TRAF3IP2: variants seen among roughly 807,000 people sequenced by gnomAD.
The protein encoded by TRAF3IP2 is TRAF3 interacting protein 2, also known as E3 ubiquitin ligase TRAF3IP2.
Under a neutral mutation model 57.9 loss-of-function variants are expected in TRAF3IP2, and 35 were observed. The observed-to-expected ratio is 0.60, with a 90% CI of 0.46 to 0.80. TRAF3IP2 has a LOEUF of 0.80. Ranked by LOEUF, TRAF3IP2 falls within the 30% of genes least tolerant of loss-of-function variation. TRAF3IP2 has a pLI of 0.00. For missense variants in TRAF3IP2, 556 were observed against 706.4 expected (o/e 0.79, Z 2.41); for synonymous variants, 251 against 268.9 (o/e 0.93, Z 0.65).
Position 111,556,713 on chromosome 6 carries a change from C to G in TRAF3IP2, c.*2692G>C, listed in dbSNP as rs978912318. ...CTATTTTTTAAAGAACAAAGACATT[C>G]GTCTCACCCAGTAGACATCTAAGTT... On this transcript the variant is annotated 3_prime_UTR_variant, in exon 9 of 9. Coordinates refer to ENST00000368761, the MANE Select transcript of TRAF3IP2 (RefSeq NM_147686.4). The G allele has an allele frequency of 6.6e-6, 1 of 152,050 alleles. No homozygotes were observed. The highest frequency in any genetic ancestry group is 1.5e-5 in the Non-Finnish European group (1 of 67,982). 9.4% of individuals were successfully genotyped at this position (152,050 alleles called of 1,614,324 possible). A position where few individuals can be genotyped will look rare whatever the true frequency, so the allele number is the denominator to read the frequency against.
chr6:111,593,884 A>G, intron 1 of TRAF3IP2, among the ~76,000 whole-genome samples: 1 of 152,196 alleles, frequency 6.6e-6, no homozygotes, highest in South Asian at 2.1e-4. Context: ...TAATCCCAGC[A>G]CTTTGGGAGG....
intron 1 of TRAF3IP2, among the ~76,000 whole-genome samples, chr6:111,605,102 C>T (rs958723839): frequency 2.7e-5 from 4 of 149,764 alleles, no homozygotes; most frequent in African/African-American, 9.7e-5. Context: ...AAAAAAAAAT[C>T]CCCCTATTCT....
At position 111,555,618 on chromosome 6, in the gene TRAF3IP2, A is replaced by G. The variant is rs1795212387; in HGVS notation, c.*3787T>C. Among the ~76,000 whole-genome samples, 1 of 152,222 alleles carries G rather than the reference A, an allele frequency of 6.6e-6. No individual in the cohort carries two copies. The highest frequency in any genetic ancestry group is 2.1e-4 in the South Asian group (1 of 4,834). Reference sequence around the variant, plus strand: ...ATATTAGGTAAGAACCTAACCTTGCATTCCACAAACCCACCCCTCAAATCG... The same window carrying G: ...ATATTAGGTAAGAACCTAACCTTGCGTTCCACAAACCCACCCCTCAAATCG... On this transcript the variant is annotated 3_prime_UTR_variant, in exon 9 of 9. Coordinates refer to ENST00000368761, the MANE Select transcript of TRAF3IP2 (RefSeq NM_147686.4).
At chr6:111,593,622 G>A (rs174384) in intron 1 of TRAF3IP2, among the ~76,000 whole-genome samples, 103,975 of 151,918 alleles carry the variant, frequency 0.68, 36,990 homozygotes, top group Non-Finnish European at 0.79. Context: ...GTTTTCTGAC[G>A]CAACAGAAAA....
chr6:111,573,975 T>C (rs575003225), intron 4 of TRAF3IP2: 1 of 152,292 alleles, frequency 6.6e-6, no homozygotes, highest in South Asian at 2.1e-4. Context: ...CAGCCAGATA[T>C]ATAGATGGCA....
intron 8 of TRAF3IP2, 109 bp downstream of exon 8, chr6:111,562,856 A>G: frequency 1.1e-6 from 1 of 917,462 alleles, no homozygotes; most frequent in Non-Finnish European, 1.6e-6. Flanking sequence ...AAAAAAAAAA[A>G]AAAGAAAAGA....
At chr6:111,593,002 G>A (rs1796568171) in intron 1 of TRAF3IP2, among the ~76,000 whole-genome samples, 2 of 152,106 alleles carry the variant, frequency 1.3e-5, no homozygotes, top group South Asian at 4.1e-4. Context: ...TTAGCTGTAA[G>A]AAGAACTCTT....
At chr6:111,565,549 C>T (rs1050923344) in intron 7 of TRAF3IP2, among the ~76,000 whole-genome samples, 1 of 152,126 alleles carries the variant, frequency 6.6e-6, no homozygotes, top group Non-Finnish European at 1.5e-5. Flanking sequence ...ATATGGGCAC[C>T]CACTGGGAAC....
At chr6:111,578,579 G>T (rs77872616) in intron 3 of TRAF3IP2, among the ~76,000 whole-genome samples, 1 of 152,186 alleles carries the variant, frequency 6.6e-6, no homozygotes, top group African/African-American at 2.4e-5. Context: ...GGAGGCGAAG[G>T]TTTCAGTGAG....
intron 7 of TRAF3IP2, among the ~76,000 whole-genome samples, chr6:111,564,246 A>G (rs922848842): frequency 1.3e-5 from 2 of 152,148 alleles, no homozygotes; most frequent in South Asian, 2.1e-4. Context: ...TCTAAAAACC[A>G]TAAGATAACA....
At chr6:111,605,037 CAA>C (rs1190422672) in intron 1 of TRAF3IP2, among the ~76,000 whole-genome samples, 1 of 151,832 alleles carries the variant, frequency 6.6e-6, no homozygotes, top group East Asian at 1.9e-4. Context: ...AACTTGAAAC[CAA>C]GTTTCTTGTC....
At chr6:111,563,076 A>G (rs749901339) in intron 7 of TRAF3IP2, 37 bp from the exon 8 acceptor site, 4 of 1,485,882 alleles carry the variant, frequency 2.7e-6, no homozygotes, top group Non-Finnish European at 3.7e-6. Context: ...AATTTCAGGA[A>G]TGAGGATGAG....
Position 111,591,956 on chromosome 6 carries a change from G to C in TRAF3IP2, c.131C>G (p.Pro44Arg), listed in dbSNP as rs1244342780. 6.2e-7 allele frequency: 1 copy of C among 1,614,166 alleles called. No homozygotes were observed. The highest frequency in any genetic ancestry group is 8.5e-7 in the Non-Finnish European group (1 of 1,180,024). Reference sequence around the variant, plus strand: ...CATTGTGGGTGCAGACAAGCTGTTGGGTGCCATGTTCCTTATATTTGGAGC... The same window carrying C: ...CATTGTGGGTGCAGACAAGCTGTTGCGTGCCATGTTCCTTATATTTGGAGC... ...PPAPNIRNMA[P>R]NSLSAPTMLH... Residue 44 changes from proline (P) to arginine (R), a missense_variant, in exon 2 of 9, where the codon CCC (proline) becomes CGC (arginine). Physicochemically the swap from Pro to Arg is moderately radical, Grantham distance 103. This residue lies in a region of TRAF3IP2 where 428 missense variants were observed against 498.7 expected (regional missense o/e 0.86). Coordinates refer to ENST00000368761, the MANE Select transcript of TRAF3IP2 (RefSeq NM_147686.4). This position sits in a 1 kb window ranked among gnomAD's most constrained non-coding sequence, Gnocchi z 4.9.
chr6:111,592,975 GC>G (rs1256504900), intron 1 of TRAF3IP2, among the ~76,000 whole-genome samples: 3 of 152,142 alleles, frequency 2.0e-5, no homozygotes, highest in African/African-American at 4.8e-5. Flanking sequence ...TATCCAACGG[GC>G]CGGGCAATAT....
chr6:111,597,591 C>A (rs174392), intron 1 of TRAF3IP2, among the ~76,000 whole-genome samples: 99,064 of 152,102 alleles, frequency 0.65, 32,935 homozygotes, highest in Admixed American at 0.73. Flanking sequence ...CTTTAATGTC[C>A]ATAGTGTAAA....
In TRAF3IP2 at chr6:111,591,867, G is replaced by A. The variant is rs13190932; in HGVS notation, c.220C>T (p.Arg74Trp). The stretch of plus-strand genomic sequence containing the variant: ...CAGGTGACCTGCCGGGATACAGGCC[G>A]CTGGTGATTTGCAAGTTTCAGGGTT... Reference protein sequence around the residue: ...HSTLKLANHQRPVSRQVTCLR... With the variant: ...HSTLKLANHQWPVSRQVTCLR... Residue 74 changes from arginine to tryptophan, a missense_variant, in exon 2 of 9, where the codon CGG (arginine) becomes TGG (tryptophan). By Grantham distance (101) the Arg-to-Trp change is moderately radical (BLOSUM62 -3). Around this residue, in one of 2 missense-constraint regions of TRAF3IP2, gnomAD observed 428 missense variants for 498.7 expected, o/e 0.86. Transcript: ENST00000368761. This position sits in a 1 kb window ranked among gnomAD's most constrained non-coding sequence, Gnocchi z 4.9. 0.056 allele frequency: 90,156 copies of A among 1,614,154 alleles called. 2,724 individuals are homozygous for A. The highest frequency in any genetic ancestry group is 0.061 in the Middle Eastern group (371 of 6,062).
intron 1 of TRAF3IP2, among the ~76,000 whole-genome samples, chr6:111,594,684 C>T (rs1367010569): frequency 6.6e-6 from 1 of 152,076 alleles, no homozygotes; most frequent in African/African-American, 2.4e-5. Flanking sequence ...CAGGCTGAGG[C>T]AGGAGGATTA....
intron 5 of TRAF3IP2, among the ~76,000 whole-genome samples, chr6:111,568,530 G>A (rs1483287011): frequency 6.6e-6 from 1 of 151,918 alleles, no homozygotes; most frequent in African/African-American, 2.4e-5. Context: ...TTGATGGGAA[G>A]AGGGATTATA....
rs373509113 is a variant in TRAF3IP2, at chr6:111,556,193, CGT to C, written c.*3210_*3211del. 3.3e-5 allele frequency among the ~76,000 whole-genome samples: 5 copies of C among 150,502 alleles called. No individual in the cohort carries two copies. Among genetic ancestry groups the C allele is most frequent in the Non-Finnish European group, 5.9e-5 (4 of 67,736 alleles). On this transcript the variant is annotated 3_prime_UTR_variant, in exon 9 of 9. Coordinates refer to ENST00000368761, the MANE Select transcript of TRAF3IP2 (RefSeq NM_147686.4). ...CAAGCTTTTGTCACTTGGCCAAGTG[CGT>C]GTGTGTGTGTATGTGTGCGTGTGTG...
Sources: allele counts gnomAD v4.1 joint callset (sites outside exome capture counted in the v4.1 genomes callset), GRCh38; gene constraint gnomAD v4.1.1; regional missense constraint gnomAD v4.1.1; non-coding constraint Gnocchi (gnomAD v3.1); transcripts MANE v1.5; gene names NCBI Gene and HGNC (gene_info 2026-07-23, HGNC 2026-07-21).